Variants in NRXN1 observed in about 807,000 individuals in gnomAD.
NRXN1 encodes the protein neurexin-1.
A neutral mutation model predicts 150.9 loss-of-function variants in NRXN1; 39 were observed. That is an observed-to-expected ratio of 0.26 (90% confidence interval 0.20 to 0.34). The LOEUF is 0.34. Ranked by LOEUF, NRXN1 falls within the 10% of genes least tolerant of loss-of-function variation. NRXN1 has a pLI of 1.00. For missense variants in NRXN1, 1,815 were observed against 1,949.9 expected (o/e 0.93, Z 1.30); for synonymous variants, 924 against 757.0 (o/e 1.22, Z -3.62).
At chr2:51,002,447 G>A (rs958864289) in intron 2 of NRXN1, among the ~76,000 whole-genome samples, 1 of 151,892 alleles carries the variant, frequency 6.6e-6, no homozygotes, top group Non-Finnish European at 1.5e-5. Flanking sequence ...TTGCTATAGT[G>A]TACCATTGCT....
chr2:50,131,930 G>C (rs1705563785), intron 18 of NRXN1, among the ~76,000 whole-genome samples: 1 of 152,068 alleles, frequency 6.6e-6, no homozygotes, highest in Non-Finnish European at 1.5e-5. Flanking sequence ...GAACAAGTAT[G>C]GGGGAAAAAA....
intron 18 of NRXN1, among the ~76,000 whole-genome samples, chr2:50,214,883 A>C (rs2063290034): frequency 6.6e-6 from 1 of 152,012 alleles, no homozygotes. Context: ...GGTGGATAGG[A>C]AAGTATTATT....
intron 17 of NRXN1, among the ~76,000 whole-genome samples, chr2:50,440,067 G>C (rs12613343): frequency 0.27 from 40,574 of 151,950 alleles, 5,615 homozygotes; most frequent in East Asian, 0.36. Context: ...AAAGATTTAC[G>C]GACACTTCAA....
At chr2:50,284,763 T>A (rs1388817232) in intron 17 of NRXN1, among the ~76,000 whole-genome samples, 9 of 152,208 alleles carry the variant, frequency 5.9e-5, no homozygotes, top group Non-Finnish European at 1.2e-4. Context: ...AAAATTGTCA[T>A]ACAAAATTTA....
chr2:50,036,802 G>A (rs868768327), intron 21 of NRXN1, among the ~76,000 whole-genome samples: 20 of 152,164 alleles, frequency 1.3e-4, no homozygotes, highest in South Asian at 8.3e-4. Flanking sequence ...TGATTAAACC[G>A]GCCTTTTGGA....
At chr2:50,323,793 A>G (rs540140256) in intron 17 of NRXN1, among the ~76,000 whole-genome samples, 16 of 152,308 alleles carry the variant, frequency 1.1e-4, no homozygotes, top group Non-Finnish European at 5.9e-5. Flanking sequence ...AATATATACC[A>G]TAAGCAATCA....
At chr2:50,328,821 T>G (rs1165990707) in intron 17 of NRXN1, among the ~76,000 whole-genome samples, 1 of 152,188 alleles carries the variant, frequency 6.6e-6, no homozygotes, top group African/African-American at 2.4e-5. Flanking sequence ...CTCTCCTAAA[T>G]TCCAAAACCT....
At chr2:50,686,890 T>C (rs745312922) in intron 5 of NRXN1, among the ~76,000 whole-genome samples, 31 of 152,326 alleles carry the variant, frequency 2.0e-4, no homozygotes, top group Non-Finnish European at 3.2e-4. Flanking sequence ...GCTATTTTGT[T>C]GAATTTGGTA....
intron 18 of NRXN1, among the ~76,000 whole-genome samples, chr2:50,179,049 G>T (rs1286323928): frequency 6.6e-6 from 1 of 152,126 alleles, no homozygotes; most frequent in Non-Finnish European, 1.5e-5. Context: ...AGGTGTCTTA[G>T]TTCAAAGGAG....
At chr2:50,392,092 T>A (rs532847813) in intron 17 of NRXN1, among the ~76,000 whole-genome samples, 158 of 152,266 alleles carry the variant, frequency 1.0e-3, no homozygotes, top group Non-Finnish European at 1.6e-3. Context: ...TACTATCTGT[T>A]CATCACCAAT....
chr2:50,220,949 A>G (rs957371275), intron 18 of NRXN1, among the ~76,000 whole-genome samples: 2 of 151,990 alleles, frequency 1.3e-5, no homozygotes, highest in Admixed American at 6.6e-5. Context: ...TGCCCACCAT[A>G]TAACTGATAC....
At chr2:50,812,726 G>GTA (rs1021638018) in intron 5 of NRXN1, among the ~76,000 whole-genome samples, 2 of 147,800 alleles carry the variant, frequency 1.4e-5, no homozygotes, top group African/African-American at 5.0e-5. Flanking sequence ...TAATAAGAGT[G>GTA]TGTGTGTGTG....
chr2:49,998,887 T>A (rs2152530714), intron 21 of NRXN1, among the ~76,000 whole-genome samples: 1 of 152,290 alleles, frequency 6.6e-6, no homozygotes, highest in East Asian at 1.9e-4. Flanking sequence ...TTGCCTTTTT[T>A]ACTACTGTCG....
chr2:50,045,316 AAC>A (rs1691639229), intron 21 of NRXN1, among the ~76,000 whole-genome samples: 1 of 152,198 alleles, frequency 6.6e-6, no homozygotes, highest in South Asian at 2.1e-4. Context: ...AAGTATGGTT[AAC>A]ACACACATAC....
At chr2:50,376,036 C>CATACAT (rs2080464457) in intron 17 of NRXN1, among the ~76,000 whole-genome samples, 3 of 144,318 alleles carry the variant, frequency 2.1e-5, no homozygotes, top group Admixed American at 6.9e-5. Context: ...CACATAAATA[C>CATACAT]ATATATATAT....
chr2:50,625,977 G>T (rs79126951), intron 5 of NRXN1, among the ~76,000 whole-genome samples: 2,312 of 152,000 alleles, frequency 0.015, 130 homozygotes, highest in Admixed American at 0.1. Flanking sequence ...AACAGGACAA[G>T]GATTCCCACT....
chr2:50,187,112 C>T (rs1325015044), intron 18 of NRXN1, among the ~76,000 whole-genome samples: 1 of 151,962 alleles, frequency 6.6e-6, no homozygotes, highest in Non-Finnish European at 1.5e-5. Context: ...TAAAATCAGA[C>T]AAACAAACCA....
chr2:50,766,946 G>A (rs986364223), intron 5 of NRXN1, among the ~76,000 whole-genome samples: 2 of 152,028 alleles, frequency 1.3e-5, no homozygotes, highest in Non-Finnish European at 2.9e-5. Context: ...TTTCAAATAT[G>A]GGAAAATAAT....
At chr2:50,432,109 C>G (rs2085018298) in intron 17 of NRXN1, among the ~76,000 whole-genome samples, 1 of 152,136 alleles carries the variant, frequency 6.6e-6, no homozygotes, top group African/African-American at 2.4e-5. Context: ...TAGTTCATTT[C>G]AGGGAGTGAA....
Sources: allele counts gnomAD v4.1 joint callset (sites outside exome capture counted in the v4.1 genomes callset), GRCh38; gene constraint gnomAD v4.1.1; transcripts MANE v1.5; gene names NCBI Gene and HGNC (gene_info 2026-07-23, HGNC 2026-07-21).